Variants in KBTBD4 observed in about 807,000 individuals in gnomAD.
KBTBD4 encodes kelch repeat and BTB domain-containing protein 4.
KBTBD4 carries 30 observed loss-of-function variants against 43.9 expected under a neutral mutation model. That is an observed-to-expected ratio of 0.68 (90% CI 0.51 to 0.93). KBTBD4 has a LOEUF of 0.93. KBTBD4 is among the 40% of genes least tolerant of loss of function. KBTBD4 has a pLI of 0.00. For synonymous variants in KBTBD4, 258 were observed against 256.9 expected (o/e 1.00, Z -0.04); for missense variants, 575 against 668.8 (o/e 0.86, Z 1.55).
At chr11:47,578,828 C>T in intron 1 of KBTBD4, 105 bp downstream of exon 1, 1 of 1,545,816 alleles carries the variant, frequency 6.5e-7, no homozygotes, top group Non-Finnish European at 8.7e-7. Flanking sequence ...CTCCTCTCAC[C>T]CGCCTGGTTC....
rs1299586385 is a variant in KBTBD4 at position 47,573,255 on chromosome 11, T to C, written c.1280A>G (p.His427Arg). ...QCFDTETDKC[H>R]VKPYVLPFAG... ...AAAGGGCAGCACATAGGGCTTCACA[T>C]GGCATTTGTCTGTCTCTGTGTCAAA... is the stretch of plus-strand genomic sequence containing the variant. The change falls in exon 4 of 4, where the codon CAT (histidine) becomes CGT (arginine). Residue 427 changes from histidine (H) to arginine (R), a missense_variant. His to Arg is a conservative substitution (Grantham distance 29). Transcript: ENST00000430070. The surrounding 1 kb of genome is among the most constrained non-coding windows in gnomAD (Gnocchi z 4.1). 2.5e-6 allele frequency: 4 copies of C among 1,613,970 alleles called. No individual in the cohort carries two copies. Among genetic ancestry groups the C allele is most frequent in the African/African-American group, 1.3e-5 (1 of 74,880 alleles).
rs1164495343 is a variant in KBTBD4, at chr11:47,578,938, T to C, written c.14A>G (p.Asn5Ser). The change falls in exon 1 of 4, where the codon AAC becomes AGC. Residue 5 changes from asparagine (N) to serine (S), a missense_variant. Coordinates refer to ENST00000430070, the MANE Select transcript of KBTBD4 (RefSeq NM_018095.6). ...TGCCTGTCTCGCTTTCTCACCTGCGTTCCCTCCTTTCATCCCGGAGCCCGG... is the reference window on the plus strand; with the variant it reads ...TGCCTGTCTCGCTTTCTCACCTGCGCTCCCTCCTTTCATCCCGGAGCCCGG... MKGG[N>S]ADSWQREKLA... 6.4e-7 allele frequency: 1 copy of C among 1,551,806 alleles called. No homozygotes were observed. Among genetic ancestry groups the C allele is most frequent in the Admixed American group, 2.0e-5 (1 of 51,008 alleles).
At chr11:47,576,115 T>A (rs2097258857) in intron 2 of KBTBD4, among the ~76,000 whole-genome samples, 2 of 150,372 alleles carry the variant, frequency 1.3e-5, no homozygotes, top group South Asian at 4.2e-4. Context: ...CCTCCCAAAG[T>A]GCTGGGATTA....
chr11:47,575,479 C>G lies in KBTBD4; in HGVS notation c.744+114G>C. On this transcript the variant is annotated intron_variant, in intron 3 of 3. Transcript: ENST00000430070. ...CCGAGATTGCGCCACTGCACTCCAG[C>G]CTGGACGACAGAGCAAGACTCCATC... 8.8e-6 allele frequency: 6 copies of G among 680,196 alleles called. No individual in the cohort carries two copies. The South Asian group carries it at 9.4e-5, about 11-fold the overall frequency. 42.1% of individuals were successfully genotyped at this position (680,196 alleles called of 1,614,324 possible). A position where few individuals can be genotyped will look rare whatever the true frequency, so the allele number is the denominator to read the frequency against.
intron 1 of KBTBD4, 52 bp downstream of exon 1, chr11:47,578,881 T>G: frequency 6.4e-7 from 1 of 1,551,030 alleles, no homozygotes; most frequent in Non-Finnish European, 8.7e-7. Flanking sequence ...CACAAGGAGC[T>G]AGGACCACGC....
At chr11:47,578,206 GT>G (rs938479392) in intron 1 of KBTBD4, 178 bp from the exon 2 acceptor site, 19 of 635,966 alleles carry the variant, frequency 3.0e-5, no homozygotes, top group African/African-American at 2.4e-4. Context: ...ATCTGGGTTC[GT>G]TATCCCCAGT....
chr11:47,577,532 C>G lies in KBTBD4; in HGVS notation c.516G>C (p.Arg172=). ...CCGTATAGAGCTCAGGATCACTGTG[C>G]CGATCTGCCAGCCACATCACCTGAA... The part of the protein sequence containing the change: ...NCLQVMWLAD[R]HSDPELYTAA... The change falls in exon 2 of 4, where the codon CGG becomes CGC. Residue 172 remains arginine (R), a synonymous_variant. Coordinates refer to ENST00000430070, the MANE Select transcript of KBTBD4 (RefSeq NM_018095.6). The G allele has an allele frequency of 1.2e-6, 2 of 1,614,148 alleles. No homozygotes were observed. Among genetic ancestry groups the G allele is most frequent in the Non-Finnish European group, 1.7e-6 (2 of 1,180,028 alleles).
In KBTBD4 at chr11:47,573,054, A is replaced by C; in HGVS notation, c.1481T>G (p.Val494Gly). The C allele has an allele frequency of 6.2e-7, 1 of 1,614,196 alleles. No individual in the cohort carries two copies. The highest frequency in any genetic ancestry group is 8.5e-7 in the Non-Finnish European group (1 of 1,180,048). Residue 494 changes from valine (V) to glycine (G), a missense_variant, in exon 4 of 4, where the codon GTC (valine) becomes GGC (glycine). Val to Gly is a moderately radical substitution (Grantham distance 109). Coordinates refer to ENST00000430070, the MANE Select transcript of KBTBD4 (RefSeq NM_018095.6). This position sits in a 1 kb window ranked among gnomAD's most constrained non-coding sequence, Gnocchi z 4.1. ...KIASCNGSIY[V>G]FRDRYKKGDA... ...CCCCTTTTTATATCGGTCCCGGAAG[A>C]CATAGATGCTCCCGTTACAGCTGGC... is the stretch of plus-strand genomic sequence containing the variant.
chr11:47,573,722 C>G lies in KBTBD4; in HGVS notation c.813G>C (p.Val271=). Residue 271 remains valine, a synonymous_variant, in exon 4 of 4, where the codon GTG becomes GTC. Coordinates refer to ENST00000430070, the MANE Select transcript of KBTBD4 (RefSeq NM_018095.6). This position sits in a 1 kb window ranked among gnomAD's most constrained non-coding sequence, Gnocchi z 4.1. ...AGTCATCTTCTGCACAGTGCAAGGA[C>G]ACAGCCAACGAGTGGGTACGAGATG... ...KESSRTHSLA[V]SLHCAEDDSI... is the part of the protein sequence containing the mutation. The G allele has an allele frequency of 6.2e-7, 1 of 1,601,462 alleles. No homozygotes were observed. The highest frequency in any genetic ancestry group is 8.5e-7 in the Non-Finnish European group (1 of 1,176,560).
rs143529938 is a variant in KBTBD4 at position 47,573,431 on chromosome 11, G to A, written c.1104C>T (p.Arg368=). The A allele has an allele frequency of 1.2e-3, 1,929 of 1,614,142 alleles. 32 individuals carry two copies. The Admixed American group carries it at 0.03, about 25-fold the overall frequency. The change falls in exon 4 of 4, where the codon CGC becomes CGT. Residue 368 remains arginine, a synonymous_variant. Coordinates refer to ENST00000430070, the MANE Select transcript of KBTBD4 (RefSeq NM_018095.6). The surrounding 1 kb of genome is among the most constrained non-coding windows in gnomAD (Gnocchi z 4.1). ...DTLSNAVIYY[R]VGDNVWTETT... is the part of the protein sequence containing the mutation. ...TCTCTGTCCACACATTATCACCTAC[G>A]CGATAATAAATGACTGCGTTGGAGA...
rs1197636066 is a variant in KBTBD4, at chr11:47,572,812, G to C, written c.*118C>G. The C allele has an allele frequency of 2.6e-5, 27 of 1,050,742 alleles. No homozygotes were observed. The Admixed American group carries it at 6.6e-4, about 26-fold the overall frequency. 65.1% of individuals were successfully genotyped at this position (1,050,742 alleles called of 1,614,324 possible). ...CTCCATGGATTCAGGGAAGGGCTGA[G>C]GCACTGCCTTTCTAGTATGTGCCAA... On this transcript the variant is annotated 3_prime_UTR_variant, in exon 4 of 4. Transcript: ENST00000430070.
Position 47,573,264 on chromosome 11 carries a change from T to C in KBTBD4, c.1271A>G (p.Asp424Gly). 1 of 1,614,108 alleles carries C rather than the reference T, an allele frequency of 6.2e-7. No individual in the cohort carries two copies. Among genetic ancestry groups the C allele is most frequent in the Non-Finnish European group, 8.5e-7 (1 of 1,180,014 alleles). ...RLIQCFDTET[D>G]KCHVKPYVLP... ...CACATAGGGCTTCACATGGCATTTG[T>C]CTGTCTCTGTGTCAAAGCACTGGAT... The change falls in exon 4 of 4, where the codon GAC becomes GGC. Residue 424 changes from aspartate to glycine, a missense_variant. By Grantham distance (94) the Asp-to-Gly change is moderately conservative (BLOSUM62 -1). Coordinates refer to ENST00000430070, the MANE Select transcript of KBTBD4 (RefSeq NM_018095.6). The surrounding 1 kb of genome is among the most constrained non-coding windows in gnomAD (Gnocchi z 4.1).
intron 2 of KBTBD4, among the ~76,000 whole-genome samples, chr11:47,576,769 G>A (rs1299868282): frequency 6.0e-5 from 9 of 150,248 alleles, no homozygotes; most frequent in African/African-American, 2.2e-4. Context: ...CTCTGCCTCC[G>A]GGTTCAAGTG....
Position 47,572,831 on chromosome 11 carries a change from G to T in KBTBD4, c.*99C>A, listed in dbSNP as rs2097251625. ...GGCTGAGGCACTGCCTTTCTAGTAT[G>T]TGCCAAAAAAAACATAACTCTGAAT... On this transcript the variant is annotated 3_prime_UTR_variant, in exon 4 of 4. Transcript: ENST00000430070. 3.0e-6 allele frequency: 4 copies of T among 1,326,052 alleles called. 1 individual carries two copies. In the South Asian group the frequency reaches 4.3e-5, roughly 14 times the overall value. The allele number at this position is 1,326,052 out of a possible 1,614,324, so 82.1% of individuals were successfully genotyped here.
At chr11:47,575,284 G>A (rs568814380) in intron 3 of KBTBD4, among the ~76,000 whole-genome samples, 10 of 151,776 alleles carry the variant, frequency 6.6e-5, no homozygotes, top group African/African-American at 1.9e-4. Context: ...GGAGGCGGGC[G>A]GATCACGAGG....
rs1288991628 is a variant in KBTBD4 at position 47,572,272 on chromosome 11, C to T, written c.*658G>A. 6.5e-6 allele frequency: 1 copy of T among 152,852 alleles called. No homozygotes were observed. The highest frequency in any genetic ancestry group is 1.9e-4 in the East Asian group (1 of 5,206). The allele number at this position is 152,852 out of a possible 1,614,324, so 9.5% of individuals were successfully genotyped here. ...CTTAGAGCTTTTAAAAGAGCAGACA[C>T]CTTATATATTTGAGATTGAAAAAGT... On this transcript the variant is annotated 3_prime_UTR_variant, in exon 4 of 4. Coordinates refer to ENST00000430070, the MANE Select transcript of KBTBD4 (RefSeq NM_018095.6).
intron 1 of KBTBD4, 199 bp from the exon 2 acceptor site, chr11:47,578,227 C>T (rs142130607): frequency 1.7e-6 from 1 of 600,112 alleles, no homozygotes; most frequent in Non-Finnish European, 2.9e-6. Flanking sequence ...TGGCGCCCCT[C>T]CGCTAATGAT....
rs2097263423 is a variant in KBTBD4 at position 47,577,980 on chromosome 11, G to C, written c.68C>G (p.Pro23Arg). The C allele has an allele frequency of 6.2e-7, 1 of 1,614,206 alleles. No homozygotes were observed. The change falls in exon 2 of 4, where the codon CCT becomes CGT. Residue 23 changes from proline (P) to arginine (R), a missense_variant. Pro to Arg is a moderately radical substitution (Grantham distance 103). Coordinates refer to ENST00000430070, the MANE Select transcript of KBTBD4 (RefSeq NM_018095.6). ...KLASMESPEE[P>R]GASMDENYFV... Reference sequence around the variant, plus strand: ...GTAGTTCTCATCCATGGATGCTCCAGGCTCCTCTGGTGATTCCATGCTAGC... The same window carrying C: ...GTAGTTCTCATCCATGGATGCTCCACGCTCCTCTGGTGATTCCATGCTAGC...
chr11:47,578,667 G>A (rs759804829), intron 1 of KBTBD4: 29 of 955,482 alleles, frequency 3.0e-5, no homozygotes, highest in Middle Eastern at 2.1e-4. Context: ...ATCACCCTGT[G>A]CAATGTCCCC....
Sources: allele counts gnomAD v4.1 joint callset (sites outside exome capture counted in the v4.1 genomes callset), GRCh38; gene constraint gnomAD v4.1.1; non-coding constraint Gnocchi (gnomAD v3.1); transcripts MANE v1.5; gene names NCBI Gene and HGNC (gene_info 2026-07-23, HGNC 2026-07-21).